The following STXBP4 variants were observed in gnomAD, a reference collection of about 807,000 sequenced individuals.
The protein encoded by STXBP4 is syntaxin-binding protein 4.
Under a neutral mutation model 76.1 loss-of-function variants are expected in STXBP4, and 55 were observed. The ratio of observed to expected loss-of-function variants is 0.72; its 90% CI spans 0.58 to 0.91. The LOEUF (loss-of-function observed/expected upper bound fraction) is 0.91. Among genes scored for constraint, STXBP4 ranks in the 40% least tolerant of loss-of-function variants. The probability of loss-of-function intolerance (pLI) is 0.00; values close to 1 mark genes in which losing one functional copy is unlikely to be tolerated. For missense variants in STXBP4, 618 were observed against 636.9 expected (o/e 0.97, Z 0.32); for synonymous variants, 201 against 220.2 (o/e 0.91, Z 0.77).
intron 8 of STXBP4, among the ~76,000 whole-genome samples, chr17:55,018,718 G>T (rs567292675): frequency 6.6e-6 from 1 of 152,210 alleles, no homozygotes; most frequent in East Asian, 1.9e-4. Context: ...GGGGGCAGGG[G>T]GTGGATCTCA....
chr17:55,067,835 T>C (rs1231144859), intron 12 of STXBP4, among the ~76,000 whole-genome samples: 12 of 152,124 alleles, frequency 7.9e-5, no homozygotes, highest in Admixed American at 4.6e-4. Flanking sequence ...AATTACATTA[T>C]AAATGAAGAC....
Position 55,159,831 on chromosome 17 carries a change from G to A in STXBP4, c.1582G>A (p.Val528Met), listed in dbSNP as rs769190974. 1.1e-5 allele frequency: 17 copies of A among 1,613,560 alleles called. 1 individual carries two copies. The highest frequency in any genetic ancestry group is 5.0e-5 in the Admixed American group (3 of 59,982). The change falls in exon 18 of 18, where the codon GTG (valine) becomes ATG (methionine). Residue 528 changes from valine to methionine, a missense_variant. Val to Met is a conservative substitution (Grantham distance 21). Transcript: ENST00000376352. Reference protein sequence around the residue: ...VTQTTSWIHPVMSVLNLSRSE... With the variant: ...VTQTTSWIHPMMSVLNLSRSE... The stretch of plus-strand genomic sequence containing the variant: ...ACAGACTACATCCTGGATCCATCCC[G>A]TGATGAGTGTCCTGAATCTATCTCG...
intron 3 of STXBP4, 36 bp downstream of exon 3, chr17:54,986,302 T>G (rs2077625761): frequency 1.4e-6 from 2 of 1,460,474 alleles, no homozygotes; most frequent in Non-Finnish European, 1.9e-6. Flanking sequence ...GAAATATAGT[T>G]TGAAATATGT....
At chr17:55,007,436 C>A in intron 7 of STXBP4, 70 bp from the exon 8 acceptor site, 1 of 1,062,744 alleles carries the variant, frequency 9.4e-7, no homozygotes, top group Non-Finnish European at 1.5e-6. Context: ...GAACTCAGAA[C>A]ATATCCTGTC....
At chr17:55,071,577 A>G (rs1007621189) in intron 12 of STXBP4, among the ~76,000 whole-genome samples, 1 of 152,178 alleles carries the variant, frequency 6.6e-6, no homozygotes, top group Non-Finnish European at 1.5e-5. Context: ...TTTACTGTCT[A>G]TCTCCCCAAA....
At chr17:55,111,153 A>G (rs2145055686) in intron 16 of STXBP4, among the ~76,000 whole-genome samples, 1 of 152,268 alleles carries the variant, frequency 6.6e-6, no homozygotes, top group Middle Eastern at 3.4e-3. Flanking sequence ...CCTACAGTCT[A>G]TTCTCTAGTA....
At chr17:55,008,308 A>C (rs912044817) in intron 8 of STXBP4, among the ~76,000 whole-genome samples, 4 of 152,082 alleles carry the variant, frequency 2.6e-5, no homozygotes, top group African/African-American at 9.7e-5. Flanking sequence ...CATTTTAGGA[A>C]GAGTATAAAA....
At chr17:54,978,781 A>G (rs1327312695) in intron 1 of STXBP4, among the ~76,000 whole-genome samples, 2 of 152,196 alleles carry the variant, frequency 1.3e-5, no homozygotes, top group Non-Finnish European at 2.9e-5. Context: ...AATAAAAATA[A>G]CAGTAAATAA....
the STXBP4 span, among the ~76,000 whole-genome samples, chr17:55,198,891 T>C: frequency 6.6e-6 from 1 of 152,212 alleles, no homozygotes; most frequent in Non-Finnish European, 1.5e-5. Flanking sequence ...TGCTCTGTGT[T>C]TTCAACTGGA....
At chr17:55,085,184 A>C (rs76556846) in intron 16 of STXBP4, among the ~76,000 whole-genome samples, 1 of 151,760 alleles carries the variant, frequency 6.6e-6, no homozygotes, top group Non-Finnish European at 1.5e-5. Context: ...CAGGAAGGGG[A>C]ACATCACACT....
intron 8 of STXBP4, among the ~76,000 whole-genome samples, chr17:55,030,598 A>C (rs2078490107): frequency 6.6e-6 from 1 of 152,226 alleles, no homozygotes; most frequent in East Asian, 1.9e-4. Flanking sequence ...ACAGTCTCTG[A>C]ATTTTTAATC....
chr17:55,158,506 G>A (rs1462534571), intron 17 of STXBP4, among the ~76,000 whole-genome samples: 4 of 152,162 alleles, frequency 2.6e-5, no homozygotes, highest in East Asian at 1.9e-4. Flanking sequence ...GTCCTAATTC[G>A]TGCACTCCAG....
chr17:55,097,026 T>A (rs1423709563), intron 16 of STXBP4, among the ~76,000 whole-genome samples: 2 of 152,220 alleles, frequency 1.3e-5, no homozygotes, highest in Non-Finnish European at 2.9e-5. Context: ...AAAATGAAGA[T>A]GTAAAGTCAA....
intron 3 of STXBP4, among the ~76,000 whole-genome samples, chr17:54,990,508 A>G (rs898496221): frequency 6.6e-6 from 1 of 152,200 alleles, no homozygotes; most frequent in African/African-American, 2.4e-5. Flanking sequence ...TAGTTGCAGG[A>G]AAACAAGCTC....
At chr17:55,091,155 T>G (rs1016057371) in intron 16 of STXBP4, among the ~76,000 whole-genome samples, 10 of 152,124 alleles carry the variant, frequency 6.6e-5, no homozygotes, top group African/African-American at 9.7e-5. Context: ...TTATGAGCCA[T>G]CTGGGCCTGC....
At chr17:55,088,640 A>G (rs1022802806) in intron 16 of STXBP4, among the ~76,000 whole-genome samples, 3 of 152,032 alleles carry the variant, frequency 2.0e-5, no homozygotes, top group African/African-American at 4.8e-5. Flanking sequence ...CAGGTAATCC[A>G]CCTGCCTCAG....
chr17:55,022,229 T>C (rs2078325307), intron 8 of STXBP4, among the ~76,000 whole-genome samples: 1 of 152,154 alleles, frequency 6.6e-6, no homozygotes, highest in Non-Finnish European at 1.5e-5. Flanking sequence ...TTCACTTCTT[T>C]CTAGATTATT....
At chr17:55,200,706 G>T in the STXBP4 span, among the ~76,000 whole-genome samples, 8 of 152,162 alleles carry the variant, frequency 5.3e-5, no homozygotes, top group African/African-American at 1.9e-4. Flanking sequence ...CTTTGCCAAA[G>T]TCTGGAGATG....
chr17:55,011,508 C>CTTTCTTTTT (rs1555566817), intron 8 of STXBP4, among the ~76,000 whole-genome samples: 1 of 85,926 alleles, frequency 1.2e-5, no homozygotes, highest in Non-Finnish European at 2.0e-5. Context: ...TTTTCTTTTT[C>CTTTCTTTTT]TTTTTTTTTT....
Sources: gnomAD v4.1 joint callset for allele counts (sites outside exome capture counted in the v4.1 genomes callset) on GRCh38, gnomAD v4.1.1 for gene constraint, MANE v1.5 for transcripts, NCBI Gene and HGNC (gene_info 2026-07-23, HGNC 2026-07-21) for gene names.